The following FOCAD variants were observed in gnomAD, a reference collection of about 807,000 sequenced individuals.
FOCAD encodes KIAA1797.
In FOCAD, 198 loss-of-function variants were observed where a neutral mutation model predicts 225.6. The ratio of observed to expected loss-of-function variants is 0.88; its 90% confidence interval spans 0.78 to 0.99. FOCAD has a LOEUF of 0.99. FOCAD is among the 50% of genes least tolerant of loss of function. FOCAD has a pLI of 0.00. For synonymous variants in FOCAD, 897 were observed against 755.0 expected (o/e 1.19, Z -3.08); for missense variants, 2,713 against 2,123.6 (o/e 1.28, Z -5.46).
intron 35 of FOCAD, among the ~76,000 whole-genome samples, chr9:20,967,231 TTACC>T (rs1839346837): frequency 6.6e-6 from 1 of 152,158 alleles, no homozygotes; most frequent in Admixed American, 6.5e-5. Context: ...GTATAAGTCT[TTACC>T]CTTGGTGAAA....
chr9:20,843,265 C>G (rs1423240093), intron 15 of FOCAD, among the ~76,000 whole-genome samples: 2 of 152,002 alleles, frequency 1.3e-5, no homozygotes, highest in Non-Finnish European at 2.9e-5. Flanking sequence ...TTGAATAACT[C>G]CTTTAGCATT....
intron 15 of FOCAD, among the ~76,000 whole-genome samples, chr9:20,846,082 T>G: frequency 6.6e-6 from 1 of 152,146 alleles, no homozygotes; most frequent in East Asian, 1.9e-4. Flanking sequence ...GTTAGACATT[T>G]AGGCACATTT....
intron 10 of FOCAD, among the ~76,000 whole-genome samples, chr9:20,782,659 A>C (rs763000506): frequency 5.3e-5 from 8 of 152,114 alleles, no homozygotes; most frequent in Non-Finnish European, 1.0e-4. Context: ...AGCTCCTCTT[A>C]TGGGGATGAA....
At chr9:20,884,698 G>T (rs10122724) in intron 20 of FOCAD, among the ~76,000 whole-genome samples, 51,131 of 151,864 alleles carry the variant, frequency 0.34, 8,771 homozygotes, top group East Asian at 0.47. Context: ...TTAGCTTTTA[G>T]TTATAAATAT....
chr9:20,830,052 CAGGACTCAAACCT>C (rs1406287875), intron 15 of FOCAD, among the ~76,000 whole-genome samples: 11 of 152,012 alleles, frequency 7.2e-5, no homozygotes, highest in Non-Finnish European at 1.5e-4. Context: ...ATGTAGTAGT[CAGGACTCAAACCT>C]AGGTCTGTCT....
rs558446267 is a variant in FOCAD, at chr9:20,769,350, G to A, written c.700-682G>A. Among the ~76,000 whole-genome samples the A allele has an allele frequency of 2.2e-4, 33 of 152,274 alleles. No homozygotes were observed. The South Asian group carries it at 2.9e-3, about 13-fold the overall frequency. On this transcript the variant is annotated intron_variant, in intron 7 of 43. Coordinates refer to ENST00000338382, the MANE Select transcript of FOCAD (RefSeq NM_001375567.1). ...GGCTCCTGATTGAAGCAGATGGTCC[G>A]TTGTTTGTAATCTCTGGGAAATGCC... is the stretch of plus-strand genomic sequence containing the variant.
At chr9:20,800,077 T>A (rs892620521) in intron 11 of FOCAD, among the ~76,000 whole-genome samples, 1 of 152,170 alleles carries the variant, frequency 6.6e-6, no homozygotes, top group African/African-American at 2.4e-5. Context: ...TGCTTGTCTG[T>A]AAAGGATTTT....
chr9:20,761,848 A>G (rs574546758), intron 6 of FOCAD, among the ~76,000 whole-genome samples: 1 of 152,262 alleles, frequency 6.6e-6, no homozygotes, highest in South Asian at 2.1e-4. Context: ...AAACATTTTA[A>G]ATCACTTTGG....
chr9:20,973,942 T>G (rs1305152998), intron 35 of FOCAD, among the ~76,000 whole-genome samples: 70 of 99,168 alleles, frequency 7.1e-4, no homozygotes, highest in South Asian at 2.6e-3. Flanking sequence ...CTTCTCCTTT[T>G]TCCTATGTTT....
intron 2 of FOCAD, among the ~76,000 whole-genome samples, chr9:20,715,696 T>G (rs964339239): frequency 1.3e-5 from 2 of 152,126 alleles, no homozygotes; most frequent in Non-Finnish European, 2.9e-5. Context: ...TTGTTTGGTT[T>G]TTTTTGGCCT....
In FOCAD at chr9:20,907,159, C is replaced by T; in HGVS notation, c.2635C>T (p.Gln879Ter). The T allele has an allele frequency of 6.2e-7, 1 of 1,612,700 alleles. No individual in the cohort carries two copies. Among genetic ancestry groups the T allele is most frequent in the Non-Finnish European group, 8.5e-7 (1 of 1,179,196 alleles). Residue 879 changes from glutamine (Q) to a stop codon, truncating the protein, a stop_gained, in exon 22 of 44, where the codon CAG becomes TAG. Coordinates refer to ENST00000338382, the MANE Select transcript of FOCAD (RefSeq NM_001375567.1). LOFTEE classifies it high-confidence loss of function. ...TACATTTTTCCCATAGGTTCATATC[C>T]AGCTTTCAGAGTGGCACCGTGCAAT... is the stretch of plus-strand genomic sequence containing the variant. ...SLALVHEVHI[Q>*]LSEWHRAIFL...
At chr9:20,676,349 C>T (rs1382592562) in intron 2 of FOCAD, among the ~76,000 whole-genome samples, 1 of 152,128 alleles carries the variant, frequency 6.6e-6, no homozygotes. Flanking sequence ...AGTTTTGTTG[C>T]AATTTTTAAA....
Position 20,993,292 on chromosome 9 carries a change from G to A in FOCAD, c.5296G>A (p.Glu1766Lys), listed in dbSNP as rs768857772. Residue 1766 changes from glutamate (E) to lysine (K), a missense_variant, in exon 43 of 44, where the codon GAA (glutamate) becomes AAA (lysine). Physicochemically the swap from Glu to Lys is moderately conservative, Grantham distance 56 (BLOSUM62 1). Transcript: ENST00000338382. ...WLFSIMESPK[E>K]ALSAQSRDLL... ...ATTCAGCATCATGGAAAGCCCTAAAGAAGCCCTCTCAGCACAGTCCAGGGA... is the reference window on the plus strand; with the variant it reads ...ATTCAGCATCATGGAAAGCCCTAAAAAAGCCCTCTCAGCACAGTCCAGGGA... The A allele has an allele frequency of 1.9e-6, 3 of 1,614,014 alleles. No homozygotes were observed. The highest frequency in any genetic ancestry group is 2.5e-6 in the Non-Finnish European group (3 of 1,179,950).
chr9:20,675,850 G>A (rs1822216706), intron 2 of FOCAD, among the ~76,000 whole-genome samples: 1 of 152,158 alleles, frequency 6.6e-6, no homozygotes, highest in Non-Finnish European at 1.5e-5. Context: ...GGTTTTCCTT[G>A]GCTCTTGATG....
intron 24 of FOCAD, among the ~76,000 whole-genome samples, chr9:20,919,654 A>G (rs1362056098): frequency 3.3e-5 from 5 of 152,136 alleles, no homozygotes; most frequent in Non-Finnish European, 5.9e-5. Flanking sequence ...CAGAAATAAC[A>G]CCGCATATCT....
At chr9:20,988,648 C>A (rs1466513909) in intron 41 of FOCAD, among the ~76,000 whole-genome samples, 1 of 151,924 alleles carries the variant, frequency 6.6e-6, no homozygotes, top group Non-Finnish European at 1.5e-5. Context: ...TCTCTGATGC[C>A]GCAAGAAAAC....
At chr9:20,916,379 A>G (rs1489094772) in intron 23 of FOCAD, among the ~76,000 whole-genome samples, 1 of 152,178 alleles carries the variant, frequency 6.6e-6, no homozygotes, top group Non-Finnish European at 1.5e-5. Context: ...AAAGTTTGAA[A>G]TTGCATTTTC....
At chr9:20,668,932 C>T (rs1426605346) in intron 2 of FOCAD, among the ~76,000 whole-genome samples, 6 of 151,622 alleles carry the variant, frequency 4.0e-5, no homozygotes, top group African/African-American at 1.4e-4. Flanking sequence ...CCTCTAGGTT[C>T]ACGGTTAGCC....
At chr9:20,764,680 C>T (rs778192849) in intron 6 of FOCAD, among the ~76,000 whole-genome samples, 189 bp from the exon 7 acceptor site, 1 of 152,162 alleles carries the variant, frequency 6.6e-6, no homozygotes, top group Non-Finnish European at 1.5e-5. Flanking sequence ...TAATTTTCCT[C>T]AGTGTACAAA....
Sources: allele counts gnomAD v4.1 joint callset (sites outside exome capture counted in the v4.1 genomes callset), GRCh38; gene constraint gnomAD v4.1.1; transcripts MANE v1.5; gene names NCBI Gene and HGNC (gene_info 2026-07-23, HGNC 2026-07-21).